Variants in MYLK observed in about 807,000 individuals in gnomAD.
MYLK encodes myosin light chain kinase, smooth muscle.
Under a neutral mutation model 203.4 loss-of-function variants are expected in MYLK, and 106 were observed. The observed-to-expected ratio is 0.52, with a 90% CI of 0.45 to 0.61. The LOEUF is 0.61. Ranked by LOEUF, MYLK falls within the 20% of genes least tolerant of loss-of-function variation. The pLI, the probability that MYLK is intolerant of heterozygous loss-of-function variation, is 0.00. For missense variants in MYLK, 2,072 were observed against 2,442.3 expected, an observed-to-expected ratio of 0.85 and a Z score of 3.20; for synonymous variants, 867 against 959.5, an observed-to-expected ratio of 0.90 and a Z score of 1.78.
intron 19 of MYLK, among the ~76,000 whole-genome samples, chr3:123,687,746 A>G (rs1297191221): frequency 3.3e-5 from 5 of 150,630 alleles, no homozygotes; most frequent in African/African-American, 1.2e-4. Flanking sequence ...ATCTTGGCTC[A>G]CTGTAGCCTC....
chr3:123,807,534 T>A (rs142095516), intron 3 of MYLK, among the ~76,000 whole-genome samples: 2 of 152,250 alleles, frequency 1.3e-5, no homozygotes, highest in Admixed American at 1.3e-4. Flanking sequence ...TAGATTTTTA[T>A]TGTCATGACA....
chr3:123,708,308 G>C (rs1484933735), intron 15 of MYLK, among the ~76,000 whole-genome samples: 1 of 152,194 alleles, frequency 6.6e-6, no homozygotes, highest in Non-Finnish European at 1.5e-5. Flanking sequence ...ATTAAGAGTT[G>C]TCACTCACTT....
intron 1 of MYLK, among the ~76,000 whole-genome samples, chr3:123,880,240 T>G (rs1016672877): frequency 6.6e-6 from 1 of 152,020 alleles, no homozygotes; most frequent in African/African-American, 2.4e-5. Context: ...GAACCCAAGT[T>G]TAACACCAAA....
In MYLK at chr3:123,614,339, GT is replaced by G. The variant is rs1312443456; in HGVS notation, c.5510del (p.Asp1837AlafsTer21). On this transcript the variant is annotated frameshift_variant, in exon 34 of 34. Coordinates refer to ENST00000360304, the MANE Select transcript of MYLK (RefSeq NM_053025.4). LOFTEE classifies it high-confidence loss of function. ...RFDCKIEGYP[D>X]PEVVWFKDDQ... ...CATCTTTGAACCAGACAACCTCGGG[GT>G]CTGGGTATCCTGCATCACAGGGAGA... 6.2e-7 allele frequency: 1 copy of G among 1,614,064 alleles called. No homozygotes were observed. The highest frequency in any genetic ancestry group is 8.5e-7 in the Non-Finnish European group (1 of 1,180,036).
chr3:123,715,320 C>T (rs1022159005), intron 13 of MYLK, among the ~76,000 whole-genome samples: 1 of 152,198 alleles, frequency 6.6e-6, no homozygotes, highest in East Asian at 1.9e-4. Context: ...CTGCTGATCA[C>T]CTGGACTACT....
intron 19 of MYLK, among the ~76,000 whole-genome samples, chr3:123,691,037 G>A (rs1471204457): frequency 6.6e-6 from 1 of 152,082 alleles, no homozygotes; most frequent in East Asian, 1.9e-4. Context: ...TCTAGAAAAG[G>A]TGCTGACATT....
Position 123,700,275 on chromosome 3 carries a change from CTTT to C in MYLK, c.3190_3192del (p.Lys1064del). On this transcript the variant is annotated inframe_deletion, in exon 18 of 34. Coordinates refer to ENST00000360304, the MANE Select transcript of MYLK (RefSeq NM_053025.4). Reference sequence around the variant, plus strand: ...TTCTTAACGTCTTTCTTGAGTTCTTCTTTGCTAGCGGATTTCAGGTTCTCATCA... The same window carrying C: ...TTCTTAACGTCTTTCTTGAGTTCTTCGCTAGCGGATTTCAGGTTCTCATCA... 1.2e-6 allele frequency: 2 copies of C among 1,611,392 alleles called. No homozygotes were observed. The highest frequency in any genetic ancestry group is 1.7e-6 in the Non-Finnish European group (2 of 1,179,424).
intron 2 of MYLK, among the ~76,000 whole-genome samples, chr3:123,874,653 G>T (rs2033031927): frequency 6.6e-6 from 1 of 152,100 alleles, no homozygotes; most frequent in African/African-American, 2.4e-5. Flanking sequence ...CACAATTAAA[G>T]ACTTCTGTCA....
chr3:123,666,889 T>C (rs1209758544), intron 21 of MYLK: 2 of 608,656 alleles, frequency 3.3e-6, no homozygotes, highest in Non-Finnish European at 5.8e-6. Context: ...TAGTCCTGTA[T>C]GATGCTGTCA....
At chr3:123,778,175 A>C (rs2064147930) in intron 4 of MYLK, among the ~76,000 whole-genome samples, 1 of 152,116 alleles carries the variant, frequency 6.6e-6, no homozygotes, top group African/African-American at 2.4e-5. Flanking sequence ...GGTTCTCAGG[A>C]GTAAGGGGCA....
At chr3:123,813,764 G>GA (rs2065643961) in intron 3 of MYLK, among the ~76,000 whole-genome samples, 1 of 152,114 alleles carries the variant, frequency 6.6e-6, no homozygotes, top group African/African-American at 2.4e-5. Context: ...GCCTGCCTTA[G>GA]CCTCCCAAAG....
At chr3:123,779,719 A>G (rs1487061098) in intron 4 of MYLK, among the ~76,000 whole-genome samples, 1 of 152,228 alleles carries the variant, frequency 6.6e-6, no homozygotes, top group Non-Finnish European at 1.5e-5. Flanking sequence ...CTATCAGGAC[A>G]TAAGTCTCTT....
At chr3:123,728,033 A>G (rs1425944605) in intron 11 of MYLK, among the ~76,000 whole-genome samples, 1 of 152,228 alleles carries the variant, frequency 6.6e-6, no homozygotes, top group Non-Finnish European at 1.5e-5. Context: ...GAGAAGTTTT[A>G]GAAAAGCGAG....
At chr3:123,722,854 A>T (rs895766039) in intron 12 of MYLK, among the ~76,000 whole-genome samples, 18 of 152,310 alleles carry the variant, frequency 1.2e-4, no homozygotes, top group African/African-American at 4.1e-4. Context: ...TCTTCTATGC[A>T]ATTAGGTGTA....
chr3:123,706,934 G>A (rs529258893), intron 16 of MYLK, among the ~76,000 whole-genome samples: 1 of 152,320 alleles, frequency 6.6e-6, no homozygotes, highest in Non-Finnish European at 1.5e-5. Context: ...TCTCCAAGAG[G>A]TGGAACTGAA....
rs566701189 is a variant in MYLK, at chr3:123,629,007, GAATAAT to G, written c.5114+461_5114+466del. Among the ~76,000 whole-genome samples the G allele has an allele frequency of 5.3e-3, 804 of 152,250 alleles. 3 individuals carry two copies. The highest frequency in any genetic ancestry group is 0.019 in the African/African-American group (788 of 41,526). On this transcript the variant is annotated intron_variant, in intron 30 of 33. Transcript: ENST00000360304. The surrounding 1 kb of genome is among the most constrained non-coding windows in gnomAD (Gnocchi z 4.4). ...TGAGATATAAAAAAACACTAAGCCAGAATAATAATAATAATCTGGGGATATGATCGG... is the reference window on the plus strand; with the variant it reads ...TGAGATATAAAAAAACACTAAGCCAGAATAATAATCTGGGGATATGATCGG...
At chr3:123,765,328 C>T (rs184786773) in intron 4 of MYLK, among the ~76,000 whole-genome samples, 106 of 152,008 alleles carry the variant, frequency 7.0e-4, no homozygotes, top group African/African-American at 2.3e-3. Flanking sequence ...GTCAGGGGTT[C>T]GAGACCAGCC....
At chr3:123,869,826 T>C (rs115034387) in intron 2 of MYLK, among the ~76,000 whole-genome samples, 10 of 152,156 alleles carry the variant, frequency 6.6e-5, no homozygotes, top group African/African-American at 2.2e-4. Flanking sequence ...TGAGCTGGGA[T>C]TGAAACCCAG....
intron 2 of MYLK, among the ~76,000 whole-genome samples, chr3:123,851,067 T>C (rs1008419763): frequency 1.3e-5 from 2 of 152,228 alleles, no homozygotes. Context: ...ACGTGTGGTA[T>C]TATTTCTGAG....
Sources: gnomAD v4.1 joint callset for allele counts (sites outside exome capture counted in the v4.1 genomes callset) on GRCh38, gnomAD v4.1.1 for gene constraint, Gnocchi (gnomAD v3.1) non-coding constraint, MANE v1.5 for transcripts, NCBI Gene and HGNC (gene_info 2026-07-23, HGNC 2026-07-21) for gene names.